ADGRL2: variants seen among roughly 807,000 people sequenced by gnomAD.
ADGRL2 encodes calcium-independent alpha-latrotoxin receptor 2.
Under a neutral mutation model 157.4 loss-of-function variants are expected in ADGRL2, and 44 were observed. That is an observed-to-expected ratio of 0.28 (90% confidence interval 0.22 to 0.36). The LOEUF (loss-of-function observed/expected upper bound fraction) is 0.36. Ranked by LOEUF, ADGRL2 falls within the 10% of genes least tolerant of loss-of-function variation. The pLI, the probability that ADGRL2 is intolerant of heterozygous loss-of-function variation, is 1.00. For synonymous variants in ADGRL2, 585 were observed against 624.7 expected (o/e 0.94, Z 0.95); for missense variants, 1,510 against 1,768.9 (o/e 0.85, Z 2.63).
chr1:81,875,480 T>C lies in ADGRL2; in HGVS notation c.74-31537T>C, dbSNP rs138903960. Among the ~76,000 whole-genome samples, 521 of 152,326 alleles carry C rather than the reference T, an allele frequency of 3.4e-3. 8 individuals are homozygous for C. The highest frequency in any genetic ancestry group is 0.033 in the South Asian group (159 of 4,828). On this transcript the variant is annotated intron_variant, in intron 2 of 23. Coordinates refer to ENST00000686636, the MANE Select transcript of ADGRL2 (RefSeq NM_001366006.2). ...GAAACATTATGAGTATGTTATGTTC[T>C]ATTACATTGTTAATAGCATTGTTCA...
At chr1:81,508,713 C>G (rs1472824435) in intron 2 of ADGRL2, among the ~76,000 whole-genome samples, 5 of 152,302 alleles carry the variant, frequency 3.3e-5, no homozygotes, top group Admixed American at 2.6e-4. Context: ...CATCTTTTTA[C>G]AGAATACATA....
intron 3 of ADGRL2, among the ~76,000 whole-genome samples, chr1:81,668,537 A>T (rs28459190): frequency 0.7 from 105,400 of 151,474 alleles, 37,017 homozygotes; most frequent in East Asian, 0.8. Flanking sequence ...ACTTGCTTGG[A>T]TTTTGTTTTT....
chr1:81,515,297 G>A (rs976549927), intron 2 of ADGRL2: 1 of 152,082 alleles, frequency 6.6e-6, no homozygotes, highest in Non-Finnish European at 1.5e-5. Flanking sequence ...TGCTATTAAC[G>A]CTATTTTAGA....
At chr1:81,557,186 G>A (rs2080304382) in intron 2 of ADGRL2, 2 of 177,896 alleles carry the variant, frequency 1.1e-5, no homozygotes, top group Non-Finnish European at 1.4e-5. Context: ...AGTCCCGAGG[G>A]ATACCGATGC....
chr1:81,422,310 T>G (rs1345245164), intron 1 of ADGRL2, among the ~76,000 whole-genome samples: 2 of 152,174 alleles, frequency 1.3e-5, no homozygotes, highest in Non-Finnish European at 2.9e-5. Flanking sequence ...AATGGTACGA[T>G]CTCAGCTCAC....
intron 2 of ADGRL2, among the ~76,000 whole-genome samples, chr1:81,880,499 G>A (rs2151198834): frequency 6.6e-6 from 1 of 152,284 alleles, no homozygotes; most frequent in East Asian, 1.9e-4. Flanking sequence ...CTTGAAGAGT[G>A]AGTGGTGTAG....
chr1:81,811,816 TG>T (rs1386698506), intron 1 of ADGRL2, among the ~76,000 whole-genome samples: 3 of 151,750 alleles, frequency 2.0e-5, no homozygotes, highest in African/African-American at 7.2e-5. Context: ...GATCCTAAGA[TG>T]CTACCTTTGT....
chr1:81,581,514 A>G (rs572555318), intron 3 of ADGRL2, among the ~76,000 whole-genome samples: 1 of 152,288 alleles, frequency 6.6e-6, no homozygotes, highest in Non-Finnish European at 1.5e-5. Flanking sequence ...CCCAGAAAGC[A>G]TTAGCTCGTC....
At chr1:81,949,714 T>C (rs1651127765) in intron 6 of ADGRL2, among the ~76,000 whole-genome samples, 1 of 152,240 alleles carries the variant, frequency 6.6e-6, no homozygotes, top group Admixed American at 6.5e-5. Context: ...ATTTATTTTC[T>C]TGCAATATGT....
chr1:81,348,910 GC>G (rs1172929521), intron 1 of ADGRL2, among the ~76,000 whole-genome samples: 1 of 152,100 alleles, frequency 6.6e-6, no homozygotes, highest in Non-Finnish European at 1.5e-5. Context: ...GTTCAGAGTA[GC>G]AAAAGCTATT....
intron 2 of ADGRL2, among the ~76,000 whole-genome samples, chr1:81,456,986 A>C (rs1389728548): frequency 6.6e-6 from 1 of 152,048 alleles, no homozygotes; most frequent in Non-Finnish European, 1.5e-5. Flanking sequence ...CCTGAACTGA[A>C]GCCCAATGCA....
intron 1 of ADGRL2, among the ~76,000 whole-genome samples, chr1:81,731,296 CT>C (rs951546622): frequency 2.0e-5 from 3 of 152,110 alleles, no homozygotes; most frequent in Admixed American, 6.6e-5. Context: ...TTCCCACCTA[CT>C]TTTTTTCCCC....
At chr1:81,738,274 C>T (rs969775696) in intron 1 of ADGRL2, among the ~76,000 whole-genome samples, 3 of 152,122 alleles carry the variant, frequency 2.0e-5, no homozygotes, top group South Asian at 2.1e-4. Context: ...ACTGGAAGAA[C>T]GGCAGATTCT....
At position 81,503,549 on chromosome 1, in the gene ADGRL2, C is replaced by T. The variant is rs574735543; in HGVS notation, c.-248+58460C>T. 3.3e-6 allele frequency: 5 copies of T among 1,502,838 alleles called. No individual in the cohort carries two copies. The Admixed American group carries it at 5.4e-5, about 16-fold the overall frequency. The allele number at this position is 1,502,838 out of a possible 1,614,324, so 93.1% of individuals were successfully genotyped here. On this transcript the variant is annotated intron_variant, in intron 2 of 24. Coordinates refer to the ADGRL2 transcript ENST00000370721. ...GATGCACAGAATTTACCTCATCTCA[C>T]GGAGCCCACGTCGACGAGCACCATT...
chr1:81,460,067 G>C (rs1159845211), intron 2 of ADGRL2, among the ~76,000 whole-genome samples: 1 of 151,724 alleles, frequency 6.6e-6, no homozygotes. Flanking sequence ...ATCTCATTGT[G>C]GTTTTGATTT....
At chr1:81,721,808 A>G (rs2084332983) in intron 1 of ADGRL2, 11 of 1,114,756 alleles carry the variant, frequency 9.9e-6, no homozygotes, top group Admixed American at 3.4e-5. Flanking sequence ...AGCAGGCGGT[A>G]AAGTACCACC....
chr1:81,757,037 G>A (rs947864874), intron 1 of ADGRL2, among the ~76,000 whole-genome samples: 16 of 152,124 alleles, frequency 1.1e-4, no homozygotes, highest in African/African-American at 3.9e-4. Context: ...TGCCATGGAA[G>A]TTTCTGTTTC....
upstream of ADGRL2, among the ~76,000 whole-genome samples, chr1:81,796,590 G>A (rs1225973665): frequency 1.3e-5 from 2 of 152,096 alleles, no homozygotes; most frequent in African/African-American, 4.8e-5. Context: ...GCTTACTTTT[G>A]AGTATCATAA....
chr1:81,452,467 C>T (rs970740147), intron 2 of ADGRL2, among the ~76,000 whole-genome samples: 1 of 152,138 alleles, frequency 6.6e-6, no homozygotes, highest in African/African-American at 2.4e-5. Flanking sequence ...CAGCCCATGG[C>T]TTGTCATCAT....
Sources: allele counts gnomAD v4.1 joint callset (sites outside exome capture counted in the v4.1 genomes callset), GRCh38; gene constraint gnomAD v4.1.1; transcripts MANE v1.5; gene names NCBI Gene and HGNC (gene_info 2026-07-23, HGNC 2026-07-21).